The following JPH3 variants were observed in gnomAD, a reference collection of about 807,000 sequenced individuals.
JPH3 encodes the protein junctophilin 3.
In JPH3, 11 loss-of-function variants were observed where a neutral mutation model predicts 59.6. The ratio of observed to expected loss-of-function variants is 0.18; its 90% confidence interval spans 0.12 to 0.31. The LOEUF is 0.31. Among genes scored for constraint, JPH3 ranks in the 10% least tolerant of loss-of-function variants. The pLI is 1.00. For missense variants in JPH3, 1,202 were observed against 1,105.7 expected (o/e 1.09, Z -1.24); for synonymous variants, 673 against 483.6 (o/e 1.39, Z -5.14).
chr16:87,628,709 C>A (rs546904367), intron 1 of JPH3, among the ~76,000 whole-genome samples: 3 of 152,308 alleles, frequency 2.0e-5, no homozygotes, highest in Non-Finnish European at 4.4e-5. Flanking sequence ...CCGTGGAAAC[C>A]CCTAGCGTGG....
intron 1 of JPH3, among the ~76,000 whole-genome samples, chr16:87,614,573 A>T (rs1386258146): frequency 1.3e-5 from 2 of 149,542 alleles, no homozygotes; most frequent in Admixed American, 1.3e-4. Flanking sequence ...AGGTCTCTGT[A>T]CACGTGTGGA....
At chr16:87,644,079 C>T (rs1294539449) in intron 1 of JPH3, among the ~76,000 whole-genome samples, 179 bp from the exon 2 acceptor site, 2 of 152,190 alleles carry the variant, frequency 1.3e-5, no homozygotes, top group Non-Finnish European at 2.9e-5. Flanking sequence ...TCCTGGCTGT[C>T]GTGAGCTGTG....
At chr16:87,646,611 C>G (rs1332095962) in intron 2 of JPH3, among the ~76,000 whole-genome samples, 1 of 152,224 alleles carries the variant, frequency 6.6e-6, no homozygotes, top group Non-Finnish European at 1.5e-5. Flanking sequence ...GAGCGCTCTC[C>G]TTGGCATTTT....
intron 2 of JPH3, among the ~76,000 whole-genome samples, chr16:87,682,766 C>T (rs1052637447): frequency 3.3e-5 from 5 of 152,140 alleles, no homozygotes; most frequent in Non-Finnish European, 5.9e-5. Context: ...GGGGATTTGT[C>T]GTGGGGGAAT....
At chr16:87,680,447 C>T (rs928144659) in intron 2 of JPH3, among the ~76,000 whole-genome samples, 6 of 152,264 alleles carry the variant, frequency 3.9e-5, no homozygotes, top group African/African-American at 9.6e-5. Context: ...CCTTTTCTTG[C>T]CTCTTGCCTC....
chr16:87,673,424 T>A (rs1438912017), intron 2 of JPH3, among the ~76,000 whole-genome samples: 5 of 152,080 alleles, frequency 3.3e-5, no homozygotes, highest in Non-Finnish European at 5.9e-5. Context: ...AAATTGTGAA[T>A]CTCTAGCAAA....
chr16:87,607,158 C>T (rs569876409), intron 1 of JPH3, among the ~76,000 whole-genome samples: 10 of 152,366 alleles, frequency 6.6e-5, no homozygotes, highest in East Asian at 3.9e-4. Context: ...CATGCACAGA[C>T]GGGCAAACCC....
chr16:87,604,287 CCTGCTGCTGCTGCTG>C (rs71156237), intron 1 of JPH3: 713 of 1,432,898 alleles, frequency 5.0e-4, no homozygotes, highest in Middle Eastern at 1.3e-3. Flanking sequence ...CAGGGAGCTG[CCTGCTGCTGCTGCTG>C]CTGCTGCTGC....
intron 2 of JPH3, among the ~76,000 whole-genome samples, chr16:87,652,425 T>G (rs2032353229): frequency 6.6e-6 from 1 of 152,272 alleles, no homozygotes; most frequent in Non-Finnish European, 1.5e-5. Context: ...TAAGATATAA[T>G]GCTATAGCAC....
chr16:87,658,786 G>T (rs561711297), intron 2 of JPH3, among the ~76,000 whole-genome samples: 67 of 152,372 alleles, frequency 4.4e-4, no homozygotes, highest in Middle Eastern at 3.4e-3. Context: ...CCTGGGGCCT[G>T]CTGAGAGGGA....
intron 1 of JPH3, among the ~76,000 whole-genome samples, chr16:87,626,326 T>C (rs2031374279): frequency 6.6e-6 from 1 of 152,192 alleles, no homozygotes; most frequent in Non-Finnish European, 1.5e-5. Context: ...ATTTGTACCC[T>C]GGTGGCTTAG....
At chr16:87,665,522 G>A (rs2032833996) in intron 2 of JPH3, among the ~76,000 whole-genome samples, 1 of 152,180 alleles carries the variant, frequency 6.6e-6, no homozygotes, top group South Asian at 2.1e-4. Context: ...GCCTCCCAAG[G>A]CCCCCCAACA....
intron 1 of JPH3, among the ~76,000 whole-genome samples, chr16:87,605,531 A>G (rs551954388): frequency 6.6e-6 from 1 of 152,340 alleles, no homozygotes; most frequent in South Asian, 2.1e-4. Context: ...TTTTTAGGGA[A>G]GAAAGGATCT....
intron 2 of JPH3, among the ~76,000 whole-genome samples, chr16:87,655,456 C>G (rs4573933): frequency 0.2 from 30,368 of 152,154 alleles, 3,330 homozygotes; most frequent in Middle Eastern, 0.29. Context: ...TGAGCTCAAA[C>G]GATCCTCCCA....
At chr16:87,616,003 G>T (rs937691776) in intron 1 of JPH3, among the ~76,000 whole-genome samples, 3 of 152,150 alleles carry the variant, frequency 2.0e-5, no homozygotes, top group Non-Finnish European at 2.9e-5. Flanking sequence ...GAGACGGTGC[G>T]TGCAGGGGCA....
chr16:87,636,754 C>T (rs1046616362), intron 1 of JPH3, among the ~76,000 whole-genome samples: 2 of 152,218 alleles, frequency 1.3e-5, no homozygotes, highest in African/African-American at 4.8e-5. Flanking sequence ...GCAGGAAAGA[C>T]TCCGGCGACC....
At chr16:87,615,645 G>A (rs1402458034) in intron 1 of JPH3, among the ~76,000 whole-genome samples, 2 of 152,192 alleles carry the variant, frequency 1.3e-5, no homozygotes, top group South Asian at 2.1e-4. Context: ...CAAACTCTGT[G>A]CGCATCTGGG....
intron 2 of JPH3, among the ~76,000 whole-genome samples, chr16:87,653,362 G>A (rs955360797): frequency 3.2e-4 from 49 of 152,292 alleles, no homozygotes; most frequent in African/African-American, 1.0e-3. Context: ...TGGCTTGCTG[G>A]CTGCAGGGTT....
At chr16:87,671,603 CCGGCT>C in intron 2 of JPH3, among the ~76,000 whole-genome samples, 1 of 64,914 alleles carries the variant, frequency 1.5e-5, no homozygotes, top group East Asian at 6.0e-4. Context: ...GCCGCCTGCA[CCGGCT>C]CAGTTCTGCG....
Sources: gnomAD v4.1 joint callset for allele counts (sites outside exome capture counted in the v4.1 genomes callset) on GRCh38, gnomAD v4.1.1 for gene constraint, MANE v1.5 for transcripts, NCBI Gene and HGNC (gene_info 2026-07-23, HGNC 2026-07-21) for gene names.